Variants in NKAIN3 observed in about 807,000 individuals in gnomAD.
NKAIN3 encodes the protein sodium/potassium transporting ATPase interacting 3, also known as sodium/potassium-transporting ATPase subunit beta-1-interacting protein 3.
Under a neutral mutation model 30.2 loss-of-function variants are expected in NKAIN3, and 25 were observed. That is an observed-to-expected ratio of 0.83 (90% CI 0.60 to 1.16). The LOEUF (loss-of-function observed/expected upper bound fraction) is 1.16. Among genes scored for constraint, NKAIN3 ranks in the 50% most tolerant of loss-of-function variants. NKAIN3 has a pLI of 0.00. For missense variants in NKAIN3, 225 were observed against 254.1 expected (o/e 0.89, Z 0.78); for synonymous variants, 91 against 89.6 (o/e 1.02, Z -0.09).
chr8:62,610,916 T>G (rs1441455999), intron 3 of NKAIN3, among the ~76,000 whole-genome samples: 2 of 152,112 alleles, frequency 1.3e-5, no homozygotes, highest in African/African-American at 4.8e-5. Context: ...AGTAGAATCT[T>G]AGTTTCATAG....
At chr8:62,456,061 C>G (rs902251281) in intron 1 of NKAIN3, among the ~76,000 whole-genome samples, 1 of 152,128 alleles carries the variant, frequency 6.6e-6, no homozygotes, top group African/African-American at 2.4e-5. Flanking sequence ...CTAGATGGCA[C>G]AAAATTTCAT....
intron 3 of NKAIN3, among the ~76,000 whole-genome samples, chr8:62,627,244 A>G (rs1375028003): frequency 6.6e-6 from 1 of 152,156 alleles, no homozygotes; most frequent in Admixed American, 6.6e-5. Context: ...AAGTAAATGT[A>G]TTTAAATGTC....
intron 3 of NKAIN3, among the ~76,000 whole-genome samples, chr8:62,709,921 CATT>C (rs761980788): frequency 5.3e-5 from 8 of 151,956 alleles, no homozygotes; most frequent in Admixed American, 2.6e-4. Flanking sequence ...TAGGTTGTGT[CATT>C]GTTGTTGTTC....
chr8:62,781,831 T>C (rs559299072), intron 4 of NKAIN3, among the ~76,000 whole-genome samples: 2 of 152,038 alleles, frequency 1.3e-5, no homozygotes, highest in East Asian at 1.9e-4. Flanking sequence ...GACCCAAAAC[T>C]ATAAAACCAT....
chr8:62,783,885 T>G (rs145882793), intron 4 of NKAIN3, among the ~76,000 whole-genome samples: 1 of 152,190 alleles, frequency 6.6e-6, no homozygotes, highest in African/African-American at 2.4e-5. Flanking sequence ...GCTCAAGTGA[T>G]CCACATTCTT....
intron 1 of NKAIN3, among the ~76,000 whole-genome samples, chr8:62,544,522 A>AT (rs1192847958): frequency 1.3e-5 from 2 of 152,058 alleles, no homozygotes; most frequent in Non-Finnish European, 1.5e-5. Context: ...TTAAGGCCTC[A>AT]TTTTTCATTT....
chr8:62,594,388 C>T (rs148443347), intron 3 of NKAIN3, among the ~76,000 whole-genome samples: 263 of 152,160 alleles, frequency 1.7e-3, no homozygotes, highest in African/African-American at 6.1e-3. Context: ...GGACTCCACA[C>T]GGTGAATTGT....
At chr8:62,853,232 C>T (rs1819964943) in intron 4 of NKAIN3, among the ~76,000 whole-genome samples, 1 of 152,080 alleles carries the variant, frequency 6.6e-6, no homozygotes, top group Admixed American at 6.6e-5. Context: ...CTCTTTTGAT[C>T]TTTGTTGGTT....
intron 1 of NKAIN3, among the ~76,000 whole-genome samples, chr8:62,444,120 A>G (rs1182050538): frequency 2.0e-5 from 3 of 151,554 alleles, no homozygotes; most frequent in African/African-American, 7.3e-5. Context: ...GATATGTAAT[A>G]CATGTACATA....
intron 1 of NKAIN3, among the ~76,000 whole-genome samples, chr8:62,268,501 C>T (rs1011300415): frequency 6.6e-6 from 1 of 152,072 alleles, no homozygotes; most frequent in African/African-American, 2.4e-5. Flanking sequence ...GGCTGTTCTG[C>T]AAATTTCTCC....
chr8:62,973,989 A>T lies in NKAIN3; in HGVS notation c.*8582A>T, dbSNP rs2130916741. ...CAGATGGTTGTAGATGTGTGGTGTTATTTCTGAGGCCTCTGTTCTGTTGCA... is the reference window on the plus strand; with the variant it reads ...CAGATGGTTGTAGATGTGTGGTGTTTTTTCTGAGGCCTCTGTTCTGTTGCA... On this transcript the variant is annotated 3_prime_UTR_variant, in exon 7 of 7. Coordinates refer to ENST00000623646, the MANE Select transcript of NKAIN3 (RefSeq NM_001304533.3). 6.6e-6 allele frequency among the ~76,000 whole-genome samples: 1 copy of T among 152,186 alleles called. No homozygotes were observed.
At chr8:62,883,692 T>C (rs1821062426) in intron 4 of NKAIN3, among the ~76,000 whole-genome samples, 2 of 151,952 alleles carry the variant, frequency 1.3e-5, no homozygotes, top group Admixed American at 6.6e-5. Context: ...CTGTAGGTTT[T>C]TTGTAGATGT....
chr8:62,776,965 A>G (rs1226713013), intron 4 of NKAIN3, among the ~76,000 whole-genome samples: 1 of 152,156 alleles, frequency 6.6e-6, no homozygotes, highest in Non-Finnish European at 1.5e-5. Flanking sequence ...GAATATTTTC[A>G]CTGGATATAC....
At chr8:62,870,618 A>G (rs1341582202) in intron 4 of NKAIN3, among the ~76,000 whole-genome samples, 1 of 104,556 alleles carries the variant, frequency 9.6e-6, no homozygotes, top group African/African-American at 4.1e-5. Flanking sequence ...TACAATATAT[A>G]TACAAAATAA....
Position 62,975,780 on chromosome 8 carries a change from G to T in NKAIN3, c.*10373G>T, listed in dbSNP as rs1395048747. Among the ~76,000 whole-genome samples, 1 of 151,754 alleles carries T rather than the reference G, an allele frequency of 6.6e-6. No individual in the cohort carries two copies. Among genetic ancestry groups the T allele is most frequent in the Non-Finnish European group, 1.5e-5 (1 of 67,804 alleles). ...GTTGATTGTAGATGTTTAGATTTTA[G>T]ATGTTTAGATGTTTCCCACTTTCTC... On this transcript the variant is annotated 3_prime_UTR_variant, in exon 7 of 7. Transcript: ENST00000623646.
At chr8:62,501,537 T>C (rs916376608) in intron 1 of NKAIN3, among the ~76,000 whole-genome samples, 4 of 152,188 alleles carry the variant, frequency 2.6e-5, no homozygotes, top group African/African-American at 4.8e-5. Context: ...AAAGCTGTTG[T>C]TGCTCTTGTT....
intron 5 of NKAIN3, among the ~76,000 whole-genome samples, chr8:62,994,861 C>T (rs563566620): frequency 5.1e-4 from 77 of 152,208 alleles, no homozygotes; most frequent in African/African-American, 1.8e-3. Flanking sequence ...GTTTTTTCAG[C>T]TTGGCTCAAG....
In NKAIN3 at chr8:62,426,541, C is replaced by T. The variant is rs545787604; in HGVS notation, c.55-152998C>T. ...GCCATTTGCCTGTGGGGATGTTACC[C>T]TTTGAAAACATTTTCCTTGCAGTGC... On this transcript the variant is annotated intron_variant, in intron 1 of 6. Transcript: ENST00000623646. Among the ~76,000 whole-genome samples, 16 of 152,040 alleles carry T rather than the reference C, an allele frequency of 1.1e-4. No individual in the cohort carries two copies. In the South Asian group the frequency reaches 3.1e-3, roughly 30 times the overall value.
chr8:62,549,973 T>G (rs1809144977), intron 1 of NKAIN3, among the ~76,000 whole-genome samples: 1 of 149,394 alleles, frequency 6.7e-6, no homozygotes, highest in Admixed American at 6.8e-5. Context: ...TATTTGTATG[T>G]TTATTCAAAA....
Sources: allele counts gnomAD v4.1 joint callset (sites outside exome capture counted in the v4.1 genomes callset), GRCh38; gene constraint gnomAD v4.1.1; transcripts MANE v1.5; gene names NCBI Gene and HGNC (gene_info 2026-07-23, HGNC 2026-07-21).